The following UGT2B7 variants were observed in gnomAD, a reference collection of about 807,000 sequenced individuals.
UGT2B7 encodes the protein UDP-glucuronosyltransferase 2B7.
In UGT2B7, 51 loss-of-function variants were observed where a neutral mutation model predicts 51.9. The observed-to-expected ratio is 0.98, with a 90% confidence interval of 0.78 to 1.24. The LOEUF (loss-of-function observed/expected upper bound fraction) is 1.24. Ranked by LOEUF, UGT2B7 falls within the 50% of genes most tolerant of loss-of-function variation. UGT2B7 has a pLI of 0.00. For missense variants in UGT2B7, 727 were observed against 628.4 expected, an observed-to-expected ratio of 1.16 and a Z score of -1.68; for synonymous variants, 225 against 211.6, an observed-to-expected ratio of 1.06 and a Z score of -0.55.
intron 2 of UGT2B7, among the ~76,000 whole-genome samples, chr4:69,101,437 C>T (rs1429390457): frequency 6.6e-6 from 1 of 151,848 alleles, no homozygotes; most frequent in African/African-American, 2.4e-5. Flanking sequence ...CAGTCCATAT[C>T]AGTGATGAAT....
At chr4:69,112,395 G>T (rs1292136131) in intron 5 of UGT2B7, 62 bp from the exon 6 acceptor site, 1 of 1,560,390 alleles carries the variant, frequency 6.4e-7, no homozygotes, top group South Asian at 1.2e-5. Context: ...TTAACTCGGT[G>T]TCTGAGGGGT....
intron 2 of UGT2B7, among the ~76,000 whole-genome samples, chr4:69,099,359 A>G (rs557758895): frequency 6.6e-6 from 1 of 151,980 alleles, no homozygotes; most frequent in Non-Finnish European, 1.5e-5. Flanking sequence ...GATGATGGTG[A>G]GAGGCAAATT....
intron 2 of UGT2B7, 55 bp downstream of exon 2, chr4:69,098,743 G>T: frequency 5.6e-6 from 9 of 1,595,360 alleles, no homozygotes; most frequent in Non-Finnish European, 7.7e-6. Flanking sequence ...CAGTAGAAAT[G>T]ATTCTATAGT....
At position 69,096,498 on chromosome 4, in the gene UGT2B7, A is replaced by T; in HGVS notation, c.-23A>T. The T allele has an allele frequency of 6.2e-7, 1 of 1,611,596 alleles. No individual in the cohort carries two copies. Among genetic ancestry groups the T allele is most frequent in the South Asian group, 1.1e-5 (1 of 90,396 alleles). On this transcript the variant is annotated 5_prime_UTR_variant, in exon 1 of 6. Coordinates refer to ENST00000305231, the MANE Select transcript of UGT2B7 (RefSeq NM_001074.4). ...TGACAGAAAGGAACAGCAACTGGAAAACAAGCATTGCATTGCACCAGGATG... is the reference window on the plus strand; with the variant it reads ...TGACAGAAAGGAACAGCAACTGGAATACAAGCATTGCATTGCACCAGGATG...
intron 1 of UGT2B7, among the ~76,000 whole-genome samples, chr4:69,055,058 G>A (rs1349050247): frequency 2.4e-5 from 3 of 126,432 alleles, no homozygotes. Flanking sequence ...CCATGATTAA[G>A]GACTGATCCT....
chr4:69,052,587 A>ACGT (rs1560495732), intron 1 of UGT2B7, among the ~76,000 whole-genome samples: 2 of 151,304 alleles, frequency 1.3e-5, no homozygotes, highest in African/African-American at 4.8e-5. Context: ...AAAAAAAAAA[A>ACGT]AAAAAGAAGG....
At chr4:69,055,881 T>C (rs1718180113) in intron 1 of UGT2B7, among the ~76,000 whole-genome samples, 1 of 152,224 alleles carries the variant, frequency 6.6e-6, no homozygotes, top group East Asian at 1.9e-4. Flanking sequence ...ACAAAAGCTC[T>C]ATAATAGTAC....
At chr4:69,074,126 A>G (rs1316053115) in intron 1 of UGT2B7, among the ~76,000 whole-genome samples, 1 of 152,018 alleles carries the variant, frequency 6.6e-6, no homozygotes, top group African/African-American at 2.4e-5. Flanking sequence ...GGGAGGATTG[A>G]CTCCAGGAGT....
intron 1 of UGT2B7, among the ~76,000 whole-genome samples, chr4:69,068,580 G>T (rs912802198): frequency 2.0e-5 from 3 of 151,832 alleles, no homozygotes; most frequent in African/African-American, 7.3e-5. Flanking sequence ...GAAAAATGAA[G>T]ATAACTTTTA....
intron 1 of UGT2B7, among the ~76,000 whole-genome samples, chr4:69,052,104 A>G (rs928879718): frequency 2.0e-5 from 3 of 152,274 alleles, no homozygotes; most frequent in African/African-American, 7.2e-5. Flanking sequence ...AGGAAAACTT[A>G]GAGCTTTGTG....
chr4:69,079,250 A>G (rs934291937), intron 1 of UGT2B7, among the ~76,000 whole-genome samples: 16 of 152,218 alleles, frequency 1.1e-4, no homozygotes, highest in African/African-American at 3.9e-4. Context: ...GACAGAAGTG[A>G]GACTGCTGGG....
intron 1 of UGT2B7, among the ~76,000 whole-genome samples, chr4:69,064,792 C>G (rs1466486331): frequency 6.6e-6 from 1 of 152,178 alleles, no homozygotes; most frequent in East Asian, 1.9e-4. Flanking sequence ...ACTCCTGATT[C>G]CTGCAAAAAG....
At chr4:69,088,054 T>G (rs1719001132) in intron 1 of UGT2B7, among the ~76,000 whole-genome samples, 1 of 152,020 alleles carries the variant, frequency 6.6e-6, no homozygotes, top group Admixed American at 6.6e-5. Context: ...CTTTAAGAAC[T>G]CCTATTATAT....
At chr4:69,090,589 G>A (rs1719064432) in intron 2 of UGT2B7, among the ~76,000 whole-genome samples, 1 of 152,016 alleles carries the variant, frequency 6.6e-6, no homozygotes, top group Non-Finnish European at 1.5e-5. Context: ...TTTTCTATGA[G>A]GAGAAAAGCA....
chr4:69,080,339 G>A (rs545337255), intron 1 of UGT2B7, among the ~76,000 whole-genome samples: 1 of 152,204 alleles, frequency 6.6e-6, no homozygotes, highest in East Asian at 1.9e-4. Flanking sequence ...CCTGAGGTCA[G>A]GAGTTTGAGA....
At chr4:69,094,704 CA>C (rs1227725043), upstream of UGT2B7, among the ~76,000 whole-genome samples, 1 of 152,146 alleles carries the variant, frequency 6.6e-6, no homozygotes, top group Non-Finnish European at 1.5e-5. Context: ...AAAAATAAGA[CA>C]ACAATGGCAT....
At chr4:69,074,364 G>A (rs1718658435) in intron 1 of UGT2B7, among the ~76,000 whole-genome samples, 1 of 150,962 alleles carries the variant, frequency 6.6e-6, no homozygotes, top group African/African-American at 2.5e-5. Flanking sequence ...TGAGGCTGCA[G>A]TGAGCCCTGA....
Position 69,096,818 on chromosome 4 carries a change from C to A in UGT2B7, c.298C>A (p.Leu100Ile). Residue 100 changes from leucine to isoleucine, a missense_variant, in exon 1 of 6, where the codon CTT (leucine) becomes ATT (isoleucine). Coordinates refer to ENST00000305231, the MANE Select transcript of UGT2B7 (RefSeq NM_001074.4). Reference sequence around the variant, plus strand: ...GCAACAGATTAAGAGATGGTCAGACCTTCCAAAAGATACATTTTGGTTATA... The same window carrying A: ...GCAACAGATTAAGAGATGGTCAGACATTCCAAAAGATACATTTTGGTTATA... ...IMQQIKRWSD[L>I]PKDTFWLYFS... 6.2e-7 allele frequency: 1 copy of A among 1,613,822 alleles called. No individual in the cohort carries two copies. The highest frequency in any genetic ancestry group is 2.2e-5 in the East Asian group (1 of 44,858).
At chr4:69,085,401 C>T (rs746992167) in intron 1 of UGT2B7, among the ~76,000 whole-genome samples, 11 of 151,944 alleles carry the variant, frequency 7.2e-5, no homozygotes, top group African/African-American at 1.2e-4. Flanking sequence ...AAATTTTCTC[C>T]CTTTCTGTAG....
Sources: gnomAD v4.1 joint callset for allele counts (sites outside exome capture counted in the v4.1 genomes callset) on GRCh38, gnomAD v4.1.1 for gene constraint, MANE v1.5 for transcripts, NCBI Gene and HGNC (gene_info 2026-07-23, HGNC 2026-07-21) for gene names.